NOX4: variants seen among roughly 807,000 people sequenced by gnomAD.
The protein encoded by NOX4 is NADPH oxidase 4.
A neutral mutation model predicts 87.6 loss-of-function variants in NOX4; 69 were observed. The observed-to-expected ratio is 0.79, with a 90% CI of 0.65 to 0.96. NOX4 has a LOEUF of 0.96. Ranked by LOEUF, NOX4 falls within the 40% of genes least tolerant of loss-of-function variation. The pLI is 0.00. For synonymous variants in NOX4, 275 were observed against 238.2 expected (o/e 1.15, Z -1.42); for missense variants, 680 against 681.5 (o/e 1.00, Z 0.02).
the NOX4 span, among the ~76,000 whole-genome samples, chr11:89,580,068 A>C: frequency 2.2e-4 from 33 of 152,208 alleles, no homozygotes; most frequent in African/African-American, 8.0e-4. Flanking sequence ...GAGAAGATAA[A>C]GATCTTGATG....
chr11:89,393,880 C>T (rs1299746842), intron 11 of NOX4, among the ~76,000 whole-genome samples: 2 of 152,148 alleles, frequency 1.3e-5, no homozygotes, highest in Admixed American at 1.3e-4. Flanking sequence ...ATAGTTACTA[C>T]TATTTTATTT....
chr11:89,487,364 A>G (rs1946670910), intron 2 of NOX4, among the ~76,000 whole-genome samples: 1 of 152,232 alleles, frequency 6.6e-6, no homozygotes, highest in African/African-American at 2.4e-5. Flanking sequence ...GAGATTTTCA[A>G]GCAATTACTA....
intron 12 of NOX4, among the ~76,000 whole-genome samples, 155 bp downstream of exon 12, chr11:89,373,277 C>CAAAAAA (rs144113376): frequency 3.2e-4 from 19 of 59,070 alleles, no homozygotes; most frequent in East Asian, 6.0e-4. Context: ...ACTGTACAAG[C>CAAAAAA]AAAAAAAAAA....
the NOX4 span, among the ~76,000 whole-genome samples, chr11:89,573,273 C>T: frequency 6.6e-6 from 1 of 152,186 alleles, no homozygotes; most frequent in East Asian, 1.9e-4. Flanking sequence ...CATGGTGGCT[C>T]ATGCCTGTAA....
chr11:89,491,620 G>C (rs542758227), upstream of NOX4: 471 of 260,760 alleles, frequency 1.8e-3, 1 homozygote, highest in African/African-American at 9.9e-3. Context: ...TGGGAACTTG[G>C]AGGCGTCCCC....
chr11:89,330,414 T>C (rs79015230), intron 17 of NOX4, among the ~76,000 whole-genome samples: 1 of 152,054 alleles, frequency 6.6e-6, no homozygotes, highest in South Asian at 2.1e-4. Context: ...TGATGTATAC[T>C]GTAAACTTAG....
upstream of NOX4, among the ~76,000 whole-genome samples, chr11:89,491,767 A>AC (rs879755481): frequency 0.016 from 1,844 of 114,596 alleles, 31 homozygotes; most frequent in East Asian, 0.054. Context: ...CACACACACA[A>AC]GAAGACACAG....
chr11:89,554,016 C>A, the NOX4 span, among the ~76,000 whole-genome samples: 1 of 151,734 alleles, frequency 6.6e-6, no homozygotes, highest in Non-Finnish European at 1.5e-5. Flanking sequence ...AAAGAGACAG[C>A]TTCCAGGTCC....
chr11:89,484,532 C>T (rs1027285446), intron 2 of NOX4, among the ~76,000 whole-genome samples: 1 of 151,978 alleles, frequency 6.6e-6, no homozygotes, highest in African/African-American at 2.4e-5. Flanking sequence ...TACAGCTGTT[C>T]ATTATAGTGG....
intron 2 of NOX4, among the ~76,000 whole-genome samples, chr11:89,479,923 C>T (rs1338765954): frequency 3.3e-5 from 5 of 152,130 alleles, no homozygotes; most frequent in Non-Finnish European, 7.4e-5. Context: ...CATCCCTTGG[C>T]ATATGTGGGG....
chr11:89,406,735 C>T (rs1299555084), intron 8 of NOX4, among the ~76,000 whole-genome samples: 1 of 152,034 alleles, frequency 6.6e-6, no homozygotes, highest in Non-Finnish European at 1.5e-5. Flanking sequence ...ATTCTTAATA[C>T]TATTTCACTT....
intron 12 of NOX4, among the ~76,000 whole-genome samples, chr11:89,355,805 G>C (rs1398399028): frequency 6.6e-6 from 1 of 151,952 alleles, no homozygotes; most frequent in African/African-American, 2.4e-5. Flanking sequence ...CATTCTCAGG[G>C]ACACACCCTG....
chr11:89,405,080 T>TTGTGTGTGTGTG (rs71472257), intron 8 of NOX4, among the ~76,000 whole-genome samples: 1,718 of 133,254 alleles, frequency 0.013, 39 homozygotes, highest in African/African-American at 0.035. Flanking sequence ...AAAAGTCAGA[T>TTGTGTGTGTGTG]TGTGTGTGTG....
chr11:89,393,505 C>T (rs1417750754), intron 11 of NOX4, among the ~76,000 whole-genome samples: 5 of 152,008 alleles, frequency 3.3e-5, no homozygotes, highest in East Asian at 1.9e-4. Context: ...TTCATATTCC[C>T]GTTTCTCATT....
chr11:89,498,571 T>C (rs1186011343), upstream of NOX4, among the ~76,000 whole-genome samples: 1 of 152,182 alleles, frequency 6.6e-6, no homozygotes, highest in East Asian at 1.9e-4. Context: ...CTGATTTCTG[T>C]ACCCTATTTT....
At chr11:89,423,553 C>A (rs1943205291) in intron 7 of NOX4, among the ~76,000 whole-genome samples, 1 of 152,002 alleles carries the variant, frequency 6.6e-6, no homozygotes, top group Admixed American at 6.6e-5. Flanking sequence ...GTCATTTTTG[C>A]AAGTAAGTCC....
intron 13 of NOX4, among the ~76,000 whole-genome samples, chr11:89,343,098 G>T (rs572450091): frequency 6.6e-6 from 1 of 152,030 alleles, no homozygotes; most frequent in Admixed American, 6.6e-5. Flanking sequence ...TCCCCACAAA[G>T]CTACTCTTTG....
chr11:89,527,968 G>A, the NOX4 span, among the ~76,000 whole-genome samples: 4 of 128,798 alleles, frequency 3.1e-5, no homozygotes, highest in East Asian at 8.8e-4. Flanking sequence ...GGCACTCAAT[G>A]GCAGCCTGTG....
At chr11:89,440,079 C>T (rs1366553906) in intron 6 of NOX4, among the ~76,000 whole-genome samples, 1 of 152,058 alleles carries the variant, frequency 6.6e-6, no homozygotes, top group Non-Finnish European at 1.5e-5. Flanking sequence ...ACAAAGCAGG[C>T]CCTCAATAAG....
Sources: allele counts gnomAD v4.1 joint callset (sites outside exome capture counted in the v4.1 genomes callset), GRCh38; gene constraint gnomAD v4.1.1; transcripts MANE v1.5; gene names NCBI Gene and HGNC (gene_info 2026-07-23, HGNC 2026-07-21).